AR: variants seen among roughly 807,000 people sequenced by gnomAD.
The protein encoded by AR is androgen receptor.
AR carries 8 observed loss-of-function variants against 53.9 expected under a neutral mutation model. That is an observed-to-expected ratio of 0.15 (90% CI 0.09 to 0.27). AR has a LOEUF of 0.27. Among genes scored for constraint, AR ranks in the 10% least tolerant of loss-of-function variants. AR has a pLI of 1.00. For synonymous variants in AR, 359 were observed against 316.4 expected, an observed-to-expected ratio of 1.13 and a Z score of -1.43; for missense variants, 639 against 742.5, an observed-to-expected ratio of 0.86 and a Z score of 1.62.
intron 5 of AR, among the ~76,000 whole-genome samples, chrX:67,718,591 A>C (rs902363376): frequency 9.0e-6 from 1 of 110,917 alleles, no homozygotes; most frequent in African/African-American, 3.3e-5. Flanking sequence ...GCAAGAAGGA[A>C]AAAAAAAGTC....
rs1361224782 is a variant in AR at position 67,592,424 on chromosome X, A to G, written c.1616+45662A>G. On this transcript the variant is annotated intron_variant, in intron 1 of 7. Transcript: ENST00000374690. Reference sequence around the variant, plus strand: ...TTTAAGTAAGAAGCTCCCTGAATGCATTTAAAATATGATTTGATTATGTAC... The same window carrying G: ...TTTAAGTAAGAAGCTCCCTGAATGCGTTTAAAATATGATTTGATTATGTAC... Among the ~76,000 whole-genome samples, 4 of 111,769 alleles carry G rather than the reference A, an allele frequency of 3.6e-5. No individual in the cohort carries two copies. The Admixed American group carries it at 3.8e-4, about 11-fold the overall frequency.
intron 5 of AR, among the ~76,000 whole-genome samples, chrX:67,719,626 G>A (rs759838976): frequency 1.8e-5 from 2 of 111,999 alleles, no homozygotes; most frequent in African/African-American, 6.5e-5. Flanking sequence ...CTAGATAAGT[G>A]TTTCTCAACA....
chrX:67,571,721 A>G (rs1471557923), intron 1 of AR, among the ~76,000 whole-genome samples: 1 of 111,347 alleles, frequency 9.0e-6, no homozygotes, highest in African/African-American at 3.3e-5. Flanking sequence ...CACCTTAGAC[A>G]TACTATTTAC....
chrX:67,599,107 C>T (rs763706504), intron 1 of AR, among the ~76,000 whole-genome samples: 8 of 111,718 alleles, frequency 7.2e-5, no homozygotes, highest in Admixed American at 2.9e-4. Context: ...GCCTATTGAG[C>T]GGGTGGCAGT....
intron 1 of AR, among the ~76,000 whole-genome samples, chrX:67,601,304 T>G (rs1030639248): frequency 7.1e-5 from 8 of 112,286 alleles, no homozygotes; most frequent in Admixed American, 1.9e-4. Context: ...TATTTATTCA[T>G]AAACTGGGGA....
intron 2 of AR, among the ~76,000 whole-genome samples, chrX:67,666,543 A>G (rs1470891390): frequency 8.9e-6 from 1 of 111,812 alleles, no homozygotes; most frequent in Non-Finnish European, 1.9e-5. Flanking sequence ...TCTCTTTGAT[A>G]TACTGATTTT....
intron 2 of AR, among the ~76,000 whole-genome samples, chrX:67,678,548 T>G (rs963324526): frequency 8.9e-6 from 1 of 111,970 alleles, no homozygotes; most frequent in Admixed American, 9.5e-5. Flanking sequence ...ACTTTCATTT[T>G]AGGTTCAGGG....
intron 1 of AR, among the ~76,000 whole-genome samples, chrX:67,586,238 C>T (rs1922541347): frequency 9.0e-6 from 1 of 111,721 alleles, no homozygotes; most frequent in South Asian, 3.8e-4. Flanking sequence ...CATTTCATTT[C>T]CTTCTACTTT....
chrX:67,664,428 G>C lies in AR; in HGVS notation c.1768+21021G>C, dbSNP rs148290528. ...TATCAGCAGCAGAGGCTGCAGAACA[G>C]TGGATATTGGTGAACAGAAAATGTT... On this transcript the variant is annotated intron_variant, in intron 2 of 7. Transcript: ENST00000374690. Among the ~76,000 whole-genome samples the C allele has an allele frequency of 7.0e-3, 780 of 111,984 alleles. 5 individuals are homozygous for C. Among genetic ancestry groups the C allele is most frequent in the African/African-American group, 0.024 (744 of 30,830 alleles).
At chrX:67,720,828 G>T (rs2076132673) in intron 5 of AR, among the ~76,000 whole-genome samples, 2 of 109,980 alleles carry the variant, frequency 1.8e-5, no homozygotes, top group South Asian at 8.0e-4. Context: ...ACTTAAGTGG[G>T]TGTCAAATTT....
chrX:67,670,370 T>C (rs2075856656), intron 2 of AR, among the ~76,000 whole-genome samples: 1 of 101,202 alleles, frequency 9.9e-6, no homozygotes, highest in Admixed American at 1.1e-4. Context: ...AATAGTATTA[T>C]TTTAAAAATA....
At chrX:67,582,311 C>A (rs1477933121) in intron 1 of AR, among the ~76,000 whole-genome samples, 1 of 111,813 alleles carries the variant, frequency 8.9e-6, no homozygotes, top group Non-Finnish European at 1.9e-5. Context: ...ATGACCAGAG[C>A]AGGAGCACAT....
chrX:67,680,123 C>G (rs1911769528), intron 2 of AR, among the ~76,000 whole-genome samples: 1 of 111,702 alleles, frequency 9.0e-6, no homozygotes, highest in Non-Finnish European at 1.9e-5. Flanking sequence ...CCAAATGATT[C>G]ACTAGTTGTT....
In AR at chrX:67,725,330, G is replaced by A. The variant is rs954764131; in HGVS notation, c.*1489G>A. On this transcript the variant is annotated 3_prime_UTR_variant, in exon 8 of 8. Transcript: ENST00000374690. ...CAAACTGGAAAGAAGGCATCAAAGG[G>A]ATCAGGCAAGCTGGGCGTCTTGCCC... The A allele has an allele frequency of 5.8e-6, 1 of 173,812 alleles. No individual in the cohort carries two copies. The highest frequency in any genetic ancestry group is 3.0e-5 in the African/African-American group (1 of 33,853). 14.3% of individuals were successfully genotyped at this position (173,812 alleles called of 1,213,427 possible). A position where few individuals can be genotyped will look rare whatever the true frequency, so the allele number is the denominator to read the frequency against.
chrX:67,608,227 G>A (rs767485074), intron 1 of AR, among the ~76,000 whole-genome samples: 2 of 112,039 alleles, frequency 1.8e-5, no homozygotes, highest in African/African-American at 3.2e-5. Flanking sequence ...TGGTATCTGC[G>A]AGATGGAAGA....
intron 1 of AR, among the ~76,000 whole-genome samples, chrX:67,635,987 G>A (rs1215631122): frequency 9.0e-6 from 1 of 111,282 alleles, no homozygotes; most frequent in Non-Finnish European, 1.9e-5. Flanking sequence ...CTTTCATTAT[G>A]TGCTGTTTTA....
Position 67,709,955 on chromosome X carries a change from C to T in AR, c.1886-1447C>T, listed in dbSNP as rs1000912358. Among the ~76,000 whole-genome samples the T allele has an allele frequency of 4.3e-4, 48 of 111,857 alleles. 1 individual carries two copies. Among genetic ancestry groups the T allele is most frequent in the African/African-American group, 1.5e-3 (45 of 30,803 alleles). ...TCCCATATGATGCTTGAATTCTTAA[C>T]CACTGTGTGTCTAGTATTTTCTCAT... On this transcript the variant is annotated intron_variant, in intron 3 of 7. Coordinates refer to ENST00000374690, the MANE Select transcript of AR (RefSeq NM_000044.6).
chrX:67,685,093 G>A (rs772902061), intron 2 of AR, among the ~76,000 whole-genome samples: 38 of 111,370 alleles, frequency 3.4e-4, no homozygotes, highest in Non-Finnish European at 7.0e-4. Context: ...AGCATGAGAA[G>A]TTCTGCGTGT....
chrX:67,556,941 G>C (rs1921081089), intron 1 of AR, among the ~76,000 whole-genome samples: 1 of 111,234 alleles, frequency 9.0e-6, no homozygotes, highest in Non-Finnish European at 1.9e-5. Flanking sequence ...AATGAGATCA[G>C]AGTTAATGAG....
Sources: allele counts gnomAD v4.1 joint callset (sites outside exome capture counted in the v4.1 genomes callset), GRCh38; gene constraint gnomAD v4.1.1; transcripts MANE v1.5; gene names NCBI Gene and HGNC (gene_info 2026-07-23, HGNC 2026-07-21).